SNED1: variants seen among roughly 807,000 people sequenced by gnomAD.
The protein encoded by SNED1 is sushi, nidogen and EGF like domains 1, also known as sushi, nidogen and EGF-like domain-containing protein 1.
Under a neutral mutation model 166.7 loss-of-function variants are expected in SNED1, and 81 were observed. That is an observed-to-expected ratio of 0.49 (90% confidence interval 0.41 to 0.58). SNED1 has a LOEUF of 0.58. Among genes scored for constraint, SNED1 ranks in the 20% least tolerant of loss-of-function variants. The pLI is 0.00. For synonymous variants in SNED1, 762 were observed against 822.0 expected, an observed-to-expected ratio of 0.93 and a Z score of 1.25; for missense variants, 1,604 against 2,000.2, an observed-to-expected ratio of 0.80 and a Z score of 3.78.
intron 16 of SNED1, among the ~76,000 whole-genome samples, chr2:241,059,121 G>T (rs950637810): frequency 6.6e-6 from 1 of 152,174 alleles, no homozygotes; most frequent in Admixed American, 6.5e-5. Context: ...ACACCTATGA[G>T]CAATTTTAGG....
intron 4 of SNED1, among the ~76,000 whole-genome samples, chr2:241,035,242 G>A (rs886775403): frequency 6.6e-6 from 1 of 152,096 alleles, no homozygotes; most frequent in African/African-American, 2.4e-5. Context: ...TTTTGCCAGC[G>A]GGCTTGCTGC....
chr2:241,063,909 C>A, intron 18 of SNED1, 103 bp from the exon 19 acceptor site: 1 of 928,224 alleles, frequency 1.1e-6, no homozygotes, highest in Non-Finnish European at 1.7e-6. Context: ...TCTCTCCTGG[C>A]CTCCGCCCCT....
In SNED1 at chr2:241,047,161, A is replaced by AG. The variant is rs2061673950; in HGVS notation, c.1274-1154_1274-1153insG. On this transcript the variant is annotated intron_variant, in intron 8 of 31. Transcript: ENST00000310397. ...GAGACTCTGTCAAAAAAAAAAAAAAAAAAAAAAAGTAAATTAGGTAAACTA... is the reference window on the plus strand; with the variant it reads ...GAGACTCTGTCAAAAAAAAAAAAAAAGAAAAAAAAGTAAATTAGGTAAACTA... Among the ~76,000 whole-genome samples the AG allele has an allele frequency of 3.7e-5, 4 of 107,704 alleles. No homozygotes were observed. The South Asian group carries it at 9.7e-4, about 26-fold the overall frequency. The allele number at this position is 107,704 out of a possible 152,430, so 70.7% of individuals were successfully genotyped here.
At chr2:241,085,860 CTTTTTTTTTTTTT>C (rs772995766) in intron 29 of SNED1, among the ~76,000 whole-genome samples, 1 of 79,190 alleles carries the variant, frequency 1.3e-5, no homozygotes, top group African/African-American at 5.1e-5. Flanking sequence ...TCTGCGGTTT[CTTTTTTTTTTTTT>C]TTTTTTTTTT....
Position 241,050,534 on chromosome 2 carries a change from G to T in SNED1, c.1735+601G>T, listed in dbSNP as rs75478410. 9.7e-3 allele frequency among the ~76,000 whole-genome samples: 1,473 copies of T among 152,238 alleles called. 18 individuals are homozygous for T. The highest frequency in any genetic ancestry group is 0.075 in the Middle Eastern group (22 of 294). On this transcript the variant is annotated intron_variant, in intron 12 of 31. Coordinates refer to ENST00000310397, the MANE Select transcript of SNED1 (RefSeq NM_001080437.3). ...TCAGCCCCAGGCACCCCCGCAGCCTGGACTGGTGTGGAGCCTTCCACGGCC... is the reference window on the plus strand; with the variant it reads ...TCAGCCCCAGGCACCCCCGCAGCCTTGACTGGTGTGGAGCCTTCCACGGCC...
chr2:241,016,503 G>A (rs2060599223), intron 1 of SNED1, among the ~76,000 whole-genome samples: 1 of 151,932 alleles, frequency 6.6e-6, no homozygotes, highest in Non-Finnish European at 1.5e-5. Flanking sequence ...GCCCATGGTG[G>A]ATTATTTATC....
At chr2:241,048,580 CCAGGAGCAGGG>C (rs1401791509) in intron 9 of SNED1, 71 bp from the exon 10 acceptor site, 2 of 1,496,584 alleles carry the variant, frequency 1.3e-6, no homozygotes, top group African/African-American at 2.8e-5. Flanking sequence ...GGGAAGTTGG[CCAGGAGCAGGG>C]CAGGGTCTGG....
chr2:241,050,108 G>C, intron 12 of SNED1, 175 bp downstream of exon 12: 1 of 676,804 alleles, frequency 1.5e-6, no homozygotes, highest in African/African-American at 1.8e-5. Context: ...CTCACTGTTT[G>C]GATGGTTCTG....
At chr2:241,053,815 A>G (rs2061955544) in intron 16 of SNED1, among the ~76,000 whole-genome samples, 1 of 152,222 alleles carries the variant, frequency 6.6e-6, no homozygotes, top group African/African-American at 2.4e-5. Context: ...GGGAGTGCAC[A>G]GCCTAGAGAC....
In SNED1 at chr2:241,034,560, A is replaced by G. The variant is rs114985566; in HGVS notation, c.643-8A>G. The stretch of plus-strand genomic sequence containing the variant: ...GCCTCCCTCACTCTGCCCCCACCCC[A>G]CCCCCAGGCTGGCTTCAACGCAGGC... On this transcript the variant is annotated splice_polypyrimidine_tract_variant and splice_region_variant and intron_variant, in intron 3 of 31. Coordinates refer to ENST00000310397, the MANE Select transcript of SNED1 (RefSeq NM_001080437.3). 62,301 of 1,578,252 alleles carry G rather than the reference A, an allele frequency of 0.039. 1,603 individuals carry two copies. The highest frequency in any genetic ancestry group is 0.11 in the East Asian group (4,814 of 43,904).
chr2:241,070,760 C>T (rs1176760636), intron 24 of SNED1, among the ~76,000 whole-genome samples: 1 of 152,230 alleles, frequency 6.6e-6, no homozygotes, highest in Non-Finnish European at 1.5e-5. Flanking sequence ...GAACGCCCCA[C>T]TTAGGTCTTC....
intron 16 of SNED1, among the ~76,000 whole-genome samples, chr2:241,056,579 A>ATTTTTTTTT (rs1559274967): frequency 1.6e-4 from 14 of 87,698 alleles, no homozygotes; most frequent in African/African-American, 8.8e-4. Flanking sequence ...GAATAAGTGA[A>ATTTTTTTTT]ATTTTTTTTT....
intron 1 of SNED1, among the ~76,000 whole-genome samples, chr2:241,011,309 T>C (rs1023559320): frequency 1.4e-4 from 21 of 152,012 alleles, no homozygotes; most frequent in Admixed American, 6.5e-4. Context: ...GCAGGTCTCC[T>C]GGGTCTCCTG....
chr2:241,016,803 A>G (rs1036901474), intron 1 of SNED1, among the ~76,000 whole-genome samples: 4 of 144,366 alleles, frequency 2.8e-5, no homozygotes, highest in Non-Finnish European at 6.1e-5. Context: ...AAAAAGTTGC[A>G]TTTTCTATTT....
At chr2:241,058,767 G>A (rs1027409605) in intron 16 of SNED1, among the ~76,000 whole-genome samples, 3 of 152,094 alleles carry the variant, frequency 2.0e-5, no homozygotes, top group South Asian at 4.2e-4. Context: ...TGGCTAACAC[G>A]GTGAAACCCC....
chr2:241,048,572 G>A (rs2061732767), intron 9 of SNED1, 90 bp from the exon 10 acceptor site: 1 of 1,499,400 alleles, frequency 6.7e-7, no homozygotes. Context: ...ATTTGTATGG[G>A]AAGTTGGCCA....
chr2:240,997,988 T>C (rs1322720075), upstream of SNED1, among the ~76,000 whole-genome samples: 4 of 152,188 alleles, frequency 2.6e-5, no homozygotes, highest in Non-Finnish European at 5.9e-5. Flanking sequence ...AAGGCCGGTG[T>C]CATGCACGCA....
At chr2:241,025,309 G>C (rs1452069440) in intron 1 of SNED1, among the ~76,000 whole-genome samples, 1 of 152,110 alleles carries the variant, frequency 6.6e-6, no homozygotes, top group Non-Finnish European at 1.5e-5. Context: ...CCCCACCCCA[G>C]TCCATGGAAA....
chr2:241,081,660 G>T lies in SNED1; in HGVS notation c.3917-17G>T. 6.4e-7 allele frequency: 1 copy of T among 1,566,688 alleles called. No individual in the cohort carries two copies. The highest frequency in any genetic ancestry group is 8.7e-7 in the Non-Finnish European group (1 of 1,151,298). ...CTGGGGTTCCAGTGACTAACCTCTC[G>T]TGACCTCTGTTTCCAGACGTCCCTG... On this transcript the variant is annotated splice_polypyrimidine_tract_variant and intron_variant, in intron 27 of 31. Coordinates refer to ENST00000310397, the MANE Select transcript of SNED1 (RefSeq NM_001080437.3).
Sources: gnomAD v4.1 joint callset for allele counts (sites outside exome capture counted in the v4.1 genomes callset) on GRCh38, gnomAD v4.1.1 for gene constraint, MANE v1.5 for transcripts, NCBI Gene and HGNC (gene_info 2026-07-23, HGNC 2026-07-21) for gene names.